The following BRINP3 variants were observed in gnomAD, a reference collection of about 807,000 sequenced individuals.
The protein encoded by BRINP3 is BMP/retinoic acid-inducible neural-specific protein 3.
A neutral mutation model predicts 71.0 loss-of-function variants in BRINP3; 19 were observed. The ratio of observed to expected loss-of-function variants is 0.27; its 90% CI spans 0.19 to 0.39. The LOEUF is 0.39. BRINP3 is among the 10% of genes least tolerant of loss of function. The pLI, the probability that BRINP3 is intolerant of heterozygous loss-of-function variation, is 1.00. For synonymous variants in BRINP3, 380 were observed against 337.7 expected (o/e 1.13, Z -1.37); for missense variants, 959 against 940.8 (o/e 1.02, Z -0.25).
chr1:190,443,843 CAG>C (rs1411246753), intron 2 of BRINP3, among the ~76,000 whole-genome samples: 1 of 152,142 alleles, frequency 6.6e-6, no homozygotes, highest in African/African-American at 2.4e-5. Flanking sequence ...ATCAAACAAT[CAG>C]AACTCAGCTG....
intron 3 of BRINP3, among the ~76,000 whole-genome samples, chr1:190,278,519 T>G (rs4845235): frequency 0.14 from 21,446 of 151,624 alleles, 2,001 homozygotes; most frequent in South Asian, 0.26. Flanking sequence ...CTGGTATACA[T>G]TTTAATCGCA....
chr1:190,325,836 CAT>C (rs1208469127), intron 2 of BRINP3, among the ~76,000 whole-genome samples: 1 of 152,018 alleles, frequency 6.6e-6, no homozygotes. Context: ...GTCATTTTCA[CAT>C]GTTGTGATAT....
intron 7 of BRINP3, among the ~76,000 whole-genome samples, chr1:190,129,782 C>T (rs1223353023): frequency 6.6e-6 from 1 of 151,846 alleles, no homozygotes; most frequent in Non-Finnish European, 1.5e-5. Flanking sequence ...ACACAGAATG[C>T]TATTTGCATG....
At chr1:190,329,209 C>A (rs1281805445) in intron 2 of BRINP3, among the ~76,000 whole-genome samples, 1 of 151,920 alleles carries the variant, frequency 6.6e-6, no homozygotes, top group East Asian at 1.9e-4. Context: ...AAAAAGAATC[C>A]AAATAGGAAA....
intron 6 of BRINP3, among the ~76,000 whole-genome samples, chr1:190,187,830 T>G (rs2102559805): frequency 6.6e-6 from 1 of 152,204 alleles, no homozygotes; most frequent in Non-Finnish European, 1.5e-5. Context: ...TCCAGGTTTG[T>G]TCTATTTGCT....
intron 5 of BRINP3, among the ~76,000 whole-genome samples, chr1:190,233,223 C>A (rs1658173518): frequency 6.6e-6 from 1 of 151,990 alleles, no homozygotes; most frequent in South Asian, 2.1e-4. Flanking sequence ...ACAGCGATGT[C>A]CAGGCTGGAG....
chr1:190,397,669 A>G (rs1671664526), intron 2 of BRINP3, among the ~76,000 whole-genome samples: 1 of 152,052 alleles, frequency 6.6e-6, no homozygotes, highest in Non-Finnish European at 1.5e-5. Flanking sequence ...CTTGTTGACC[A>G]AGAAACACAA....
intron 7 of BRINP3, among the ~76,000 whole-genome samples, chr1:190,128,769 C>A (rs1654293912): frequency 6.6e-6 from 1 of 151,696 alleles, no homozygotes; most frequent in African/African-American, 2.4e-5. Flanking sequence ...AAGATTAAAT[C>A]ATGCAAACTA....
intron 4 of BRINP3, among the ~76,000 whole-genome samples, chr1:190,250,359 A>T (rs1660022460): frequency 6.6e-6 from 1 of 151,998 alleles, no homozygotes; most frequent in African/African-American, 2.4e-5. Flanking sequence ...ATAATATATT[A>T]AATGTTTAGA....
chr1:190,150,264 CTATGTGTGTG>C (rs1409575653), intron 7 of BRINP3, among the ~76,000 whole-genome samples: 1 of 131,642 alleles, frequency 7.6e-6, no homozygotes, highest in African/African-American at 3.0e-5. Flanking sequence ...ATGTGCATAT[CTATGTGTGTG>C]TGTGTGTGTG....
intron 7 of BRINP3, among the ~76,000 whole-genome samples, chr1:190,099,801 A>C (rs1443587966): frequency 1.3e-5 from 2 of 152,230 alleles, no homozygotes; most frequent in Non-Finnish European, 2.9e-5. Context: ...CATTAAAATC[A>C]ACAAGCTCCT....
intron 1 of BRINP3, among the ~76,000 whole-genome samples, chr1:190,464,456 A>G (rs916732265): frequency 2.0e-5 from 3 of 151,948 alleles, no homozygotes; most frequent in African/African-American, 4.8e-5. Flanking sequence ...ACCTTTGTTC[A>G]TATGACCAGA....
intron 2 of BRINP3, among the ~76,000 whole-genome samples, chr1:190,388,618 G>A (rs1571925777): frequency 6.6e-6 from 1 of 151,834 alleles, no homozygotes; most frequent in East Asian, 1.9e-4. Context: ...GTCCTTCAGA[G>A]AGAATGTGGC....
chr1:190,254,337 C>A (rs916052696), intron 4 of BRINP3, among the ~76,000 whole-genome samples: 4 of 151,058 alleles, frequency 2.6e-5, no homozygotes, highest in Non-Finnish European at 5.9e-5. Context: ...GATGGGGATG[C>A]CACTGAATCT....
At chr1:190,317,861 A>G (rs986879293) in intron 2 of BRINP3, among the ~76,000 whole-genome samples, 7 of 152,090 alleles carry the variant, frequency 4.6e-5, no homozygotes, top group Admixed American at 2.6e-4. Context: ...TATGCACTCT[A>G]GCTGCAATTG....
chr1:190,276,439 A>C (rs1434780147), intron 3 of BRINP3, among the ~76,000 whole-genome samples: 3 of 151,676 alleles, frequency 2.0e-5, no homozygotes, highest in African/African-American at 7.2e-5. Context: ...TCTGAAATTA[A>C]ATGAGCATAT....
At chr1:190,327,333 A>AAAG (rs1558184791) in intron 2 of BRINP3, among the ~76,000 whole-genome samples, 5 of 102,560 alleles carry the variant, frequency 4.9e-5, no homozygotes, top group African/African-American at 2.4e-4. Context: ...GAACAAAAAA[A>AAAG]AAAAAAAAAA....
intron 6 of BRINP3, among the ~76,000 whole-genome samples, chr1:190,197,277 C>A (rs943353959): frequency 3.3e-5 from 5 of 152,088 alleles, no homozygotes; most frequent in African/African-American, 1.2e-4. Context: ...TGGAAAGAGA[C>A]AGAGCCAAAC....
rs577039489 is a variant in BRINP3 at position 190,178,106 on chromosome 1, G to C, written c.962-17216C>G. ...TATTTTGGTACCTTTCAGGGTCCTG[G>C]AACCCCTGGATACCAAGAGACTGTA... On this transcript the variant is annotated intron_variant, in intron 6 of 7. Coordinates refer to ENST00000367462, the MANE Select transcript of BRINP3 (RefSeq NM_199051.3). Among the ~76,000 whole-genome samples the C allele has an allele frequency of 6.6e-5, 10 of 152,154 alleles. No individual in the cohort carries two copies. The South Asian group carries it at 2.1e-3, about 32-fold the overall frequency.
Sources: allele counts gnomAD v4.1 joint callset (sites outside exome capture counted in the v4.1 genomes callset), GRCh38; gene constraint gnomAD v4.1.1; transcripts MANE v1.5; gene names NCBI Gene and HGNC (gene_info 2026-07-23, HGNC 2026-07-21).